The following MYH14 variants were observed in gnomAD, a reference collection of about 807,000 sequenced individuals.
The protein encoded by MYH14 is myosin heavy chain 14, also known as myosin-14.
In MYH14, 123 loss-of-function variants were observed where a neutral mutation model predicts 255.5. That is an observed-to-expected ratio of 0.48 (90% CI 0.42 to 0.56). The LOEUF (loss-of-function observed/expected upper bound fraction) is 0.56. MYH14 is among the 20% of genes least tolerant of loss of function. MYH14 has a pLI of 0.00. For missense variants in MYH14, 2,423 were observed against 2,802.3 expected (o/e 0.86, Z 3.06); for synonymous variants, 1,095 against 1,161.2 (o/e 0.94, Z 1.16).
rs759192060 is a variant in MYH14 at position 50,276,223 on chromosome 19, C to T, written c.3680+20C>T. The T allele has an allele frequency of 2.3e-5, 35 of 1,509,480 alleles. No homozygotes were observed. Among genetic ancestry groups the T allele is most frequent in the Admixed American group, 8.1e-5 (4 of 49,218 alleles). The allele number at this position is 1,509,480 out of a possible 1,614,324, so 93.5% of individuals were successfully genotyped here. On this transcript the variant is annotated intron_variant, in intron 28 of 42. Coordinates refer to ENST00000642316, the MANE Select transcript of MYH14 (RefSeq NM_001145809.2). The surrounding 1 kb of genome is among the most constrained non-coding windows in gnomAD (Gnocchi z 4.3). The stretch of plus-strand genomic sequence containing the variant: ...GCTCCGGTGAGGCCCGGTGGCAGGC[C>T]GCTGTCACAGCCTGTGCACATACAG...
rs1303031102 is a variant in MYH14, at chr19:50,266,937, CTGCAGAAAG to C, written c.2761_2769del (p.Lys921_Gln923del). The C allele has an allele frequency of 6.4e-7, 1 of 1,555,646 alleles. No individual in the cohort carries two copies. The highest frequency in any genetic ancestry group is 1.2e-5 in the South Asian group (1 of 84,324). ...GGTGCTGCAGGCACGGGCCCAGGAG[CTGCAGAAAG>C]TGCAGGAGCTACAGCAGCAGAGCGC... On this transcript the variant is annotated inframe_deletion, in exon 23 of 43. Transcript: ENST00000642316. The surrounding 1 kb of genome is among the most constrained non-coding windows in gnomAD (Gnocchi z 4.1).
rs540548933 is a variant in MYH14 at position 50,250,071 on chromosome 19, C to T, written c.1656+248C>T. On this transcript the variant is annotated intron_variant, in intron 14 of 42. Coordinates refer to ENST00000642316, the MANE Select transcript of MYH14 (RefSeq NM_001145809.2). The surrounding 1 kb of genome is among the most constrained non-coding windows in gnomAD (Gnocchi z 5.4). ...GAGCTCTCACCGTAACTGTTGTTCT[C>T]ACGTTTGTTTTTTGTTTGTTTGTTT... is the stretch of plus-strand genomic sequence containing the variant. Among the ~76,000 whole-genome samples the T allele has an allele frequency of 9.8e-5, 15 of 152,336 alleles. No homozygotes were observed. Among genetic ancestry groups the T allele is most frequent in the African/African-American group, 3.6e-4 (15 of 41,584 alleles).
intron 24 of MYH14, among the ~76,000 whole-genome samples, chr19:50,269,911 G>A (rs2035231139): frequency 6.6e-6 from 1 of 152,140 alleles, no homozygotes; most frequent in Admixed American, 6.5e-5. Flanking sequence ...GCTACTTTTA[G>A]CAAATGTCAA....
rs182172490 is a variant in MYH14 at position 50,263,823 on chromosome 19, G to A, written c.2694+403G>A. Among the ~76,000 whole-genome samples the A allele has an allele frequency of 2.7e-3, 411 of 152,096 alleles. 1 individual carries two copies. The highest frequency in any genetic ancestry group is 9.3e-3 in the African/African-American group (388 of 41,524). On this transcript the variant is annotated intron_variant, in intron 22 of 42. Transcript: ENST00000642316. Reference sequence around the variant, plus strand: ...TGTAATCCCAGCAGTGTGAGAGGCCGAGGCGGGCGGATCACTTGAGATCAG... The same window carrying A: ...TGTAATCCCAGCAGTGTGAGAGGCCAAGGCGGGCGGATCACTTGAGATCAG...
At chr19:50,292,181 G>A (rs1312140333) in intron 36 of MYH14, 80 bp from the exon 37 acceptor site, 22 of 1,404,160 alleles carry the variant, frequency 1.6e-5, no homozygotes, top group African/African-American at 4.4e-5. Context: ...GAGGAGCCCC[G>A]TCGGTCTGGC....
chr19:50,267,054 G>A (rs964645312), intron 23 of MYH14, 46 bp downstream of exon 23: 6 of 1,500,856 alleles, frequency 4.0e-6, no homozygotes, highest in Admixed American at 2.0e-5. Flanking sequence ...TCGGGGTGGG[G>A]CTGTGTCGCA....
At chr19:50,222,242 A>G (rs1337419974) in intron 3 of MYH14, among the ~76,000 whole-genome samples, 1 of 151,988 alleles carries the variant, frequency 6.6e-6, no homozygotes, top group African/African-American at 2.4e-5. Flanking sequence ...GCACTTTGGG[A>G]GGCCGAGGCC....
chr19:50,227,000 AG>A (rs760606178), intron 8 of MYH14, 34 bp downstream of exon 8: 15 of 1,598,130 alleles, frequency 9.4e-6, no homozygotes, highest in East Asian at 2.3e-5. Context: ...GTGGCAGCCA[AG>A]GGGGGCAGCC....
intron 33 of MYH14, among the ~76,000 whole-genome samples, chr19:50,283,580 G>GT (rs1822708437): frequency 6.6e-6 from 1 of 152,024 alleles, no homozygotes. Flanking sequence ...TTTTTTTCCA[G>GT]TTTTTTTCTA....
chr19:50,205,007 C>T (rs2031653799), intron 1 of MYH14, among the ~76,000 whole-genome samples: 1 of 152,014 alleles, frequency 6.6e-6, no homozygotes, highest in African/African-American at 2.4e-5. Flanking sequence ...TTATTTCACT[C>T]CCGAGACTGA....
intron 23 of MYH14, 92 bp downstream of exon 23, chr19:50,267,100 C>A: frequency 8.0e-7 from 1 of 1,252,350 alleles, no homozygotes; most frequent in Non-Finnish European, 1.1e-6. Flanking sequence ...GGGCTTCCGG[C>A]TGAGCCAGCC....
Position 50,272,571 on chromosome 19 carries a change from AAGG to A in MYH14, c.3313_3315del (p.Glu1105del). 6.4e-7 allele frequency: 1 copy of A among 1,573,776 alleles called. No individual in the cohort carries two copies. Among genetic ancestry groups the A allele is most frequent in the East Asian group, 2.3e-5 (1 of 43,154 alleles). On this transcript the variant is annotated inframe_deletion, in exon 27 of 43. Coordinates refer to ENST00000642316, the MANE Select transcript of MYH14 (RefSeq NM_001145809.2). ...ACCCCTGCCTCCAGACCGCCTACGG[AAGG>A]AGGAGAAGGGTCGCCAGGAGCTGGA...
rs1338133983 is a variant in MYH14, at chr19:50,210,571, C to T, written c.206C>T (p.Ala69Val). 11 of 1,578,264 alleles carry T rather than the reference C, an allele frequency of 7.0e-6. No homozygotes were observed. In the East Asian group the frequency reaches 7.0e-5, roughly 10 times the overall value. ...PSELHGFEAA[A>V]LRDEGEEEAE... ...GAGCTTCACGGGTTCGAGGCGGCGG[C>T]GCTGCGGGACGAAGGCGAGGAGGAG... Residue 69 changes from alanine to valine, a missense_variant, in exon 2 of 43, where the codon GCG becomes GTG. Ala to Val is a moderately conservative substitution (Grantham distance 64, BLOSUM62 0). Coordinates refer to ENST00000642316, the MANE Select transcript of MYH14 (RefSeq NM_001145809.2).
At chr19:50,300,561 C>G (rs1171778906) in intron 39 of MYH14, among the ~76,000 whole-genome samples, 1 of 151,958 alleles carries the variant, frequency 6.6e-6, no homozygotes, top group Non-Finnish European at 1.5e-5. Context: ...CCAGCCTGAC[C>G]AACATGGAGA....
Position 50,280,733 on chromosome 19 carries a change from T to C in MYH14, c.4290+350T>C, listed in dbSNP as rs1299932127. Among the ~76,000 whole-genome samples, 1 of 152,154 alleles carries C rather than the reference T, an allele frequency of 6.6e-6. No homozygotes were observed. Among genetic ancestry groups the C allele is most frequent in the Non-Finnish European group, 1.5e-5 (1 of 68,020 alleles). On this transcript the variant is annotated intron_variant, in intron 32 of 42. Transcript: ENST00000642316. The surrounding 1 kb of genome is among the most constrained non-coding windows in gnomAD (Gnocchi z 4.8). ...TTCTTTCTTTACCTGGAGCTGACCC[T>C]GTCCCTCCTCTGCTCACAGCTCTCC... is the stretch of plus-strand genomic sequence containing the variant.
Position 50,266,765 on chromosome 19 carries a change from A to T in MYH14, c.2695-112A>T. 1 of 1,423,618 alleles carries T rather than the reference A, an allele frequency of 7.0e-7. No homozygotes were observed. Among genetic ancestry groups the T allele is most frequent in the Non-Finnish European group, 9.6e-7 (1 of 1,042,212 alleles). 88.2% of individuals were successfully genotyped at this position (1,423,618 alleles called of 1,614,324 possible). On this transcript the variant is annotated intron_variant, in intron 22 of 42. Coordinates refer to ENST00000642316, the MANE Select transcript of MYH14 (RefSeq NM_001145809.2). This position sits in a 1 kb window ranked among gnomAD's most constrained non-coding sequence, Gnocchi z 4.1. ...GGGACTGTTGCCAAGGCGGGGACAC[A>T]CAGCTAATAGGTGGAGGAGAAGGGA... is the stretch of plus-strand genomic sequence containing the variant.
Position 50,280,599 on chromosome 19 carries a change from C to T in MYH14, c.4290+216C>T, listed in dbSNP as rs533568555. Among the ~76,000 whole-genome samples, 8 of 152,278 alleles carry T rather than the reference C, an allele frequency of 5.3e-5. No individual in the cohort carries two copies. In the South Asian group the frequency reaches 1.5e-3, roughly 28 times the overall value. On this transcript the variant is annotated intron_variant, in intron 32 of 42. Coordinates refer to ENST00000642316, the MANE Select transcript of MYH14 (RefSeq NM_001145809.2). The surrounding 1 kb of genome is among the most constrained non-coding windows in gnomAD (Gnocchi z 4.8). ...TCAGCCTCATCCCTTGTCCCAGCTC[C>T]AGCTCAGCCCCAGCTCCAGTGCCGT...
chr19:50,238,214 G>A (rs997456470), intron 10 of MYH14, among the ~76,000 whole-genome samples: 2 of 152,198 alleles, frequency 1.3e-5, no homozygotes, highest in Non-Finnish European at 2.9e-5. Context: ...TGATGGGCGA[G>A]TCTGATGTCA....
Position 50,218,154 on chromosome 19 carries a change from G to A in MYH14, c.562+383G>A, listed in dbSNP as rs755597344. On this transcript the variant is annotated intron_variant, in intron 3 of 42. Coordinates refer to ENST00000642316, the MANE Select transcript of MYH14 (RefSeq NM_001145809.2). ...TGGGACTACAGGCGTGCACCACTGC[G>A]CCTGGCTAAGAGATGGGGTTTCACC... 1.6e-4 allele frequency among the ~76,000 whole-genome samples: 25 copies of A among 151,962 alleles called. No homozygotes were observed. In the East Asian group the frequency reaches 4.3e-3, roughly 26 times the overall value.
Sources: allele counts gnomAD v4.1 joint callset (sites outside exome capture counted in the v4.1 genomes callset), GRCh38; gene constraint gnomAD v4.1.1; non-coding constraint Gnocchi (gnomAD v3.1); transcripts MANE v1.5; gene names NCBI Gene and HGNC (gene_info 2026-07-23, HGNC 2026-07-21).